The following SHISA9 variants were observed in gnomAD, a reference collection of about 807,000 sequenced individuals.
The protein encoded by SHISA9 is protein shisa-9.
SHISA9 carries 13 observed loss-of-function variants against 38.0 expected under a neutral mutation model. The observed-to-expected ratio is 0.34, with a 90% confidence interval of 0.22 to 0.54. The LOEUF (loss-of-function observed/expected upper bound fraction) is 0.54, where lower values mean the gene tolerates loss of function less well. Among genes scored for constraint, SHISA9 ranks in the 20% least tolerant of loss-of-function variants. The pLI, the probability that SHISA9 is intolerant of heterozygous loss-of-function variation, is 0.91. For missense variants in SHISA9, 538 were observed against 575.8 expected (o/e 0.93, Z 0.67); for synonymous variants, 275 against 242.0 (o/e 1.14, Z -1.27).
the SHISA9 span, among the ~76,000 whole-genome samples, chr16:13,324,990 G>T: frequency 6.6e-6 from 1 of 152,190 alleles, no homozygotes; most frequent in Non-Finnish European, 1.5e-5. Flanking sequence ...TCAGCATAAA[G>T]AAATGCTTGA....
At chr16:13,058,812 C>T (rs972191714) in intron 2 of SHISA9, among the ~76,000 whole-genome samples, 1 of 150,366 alleles carries the variant, frequency 6.7e-6, no homozygotes, top group Non-Finnish European at 1.5e-5. Flanking sequence ...GAGATGTCTC[C>T]CATAGCTAGG....
the SHISA9 span, among the ~76,000 whole-genome samples, chr16:13,323,718 G>T: frequency 6.0e-3 from 911 of 152,254 alleles, 7 homozygotes; most frequent in African/African-American, 0.018. Context: ...TCGAGCAAAG[G>T]GGGGAAGAGC....
chr16:12,975,393 A>G (rs1268661399), intron 2 of SHISA9, among the ~76,000 whole-genome samples: 2 of 152,078 alleles, frequency 1.3e-5, no homozygotes, highest in Middle Eastern at 3.4e-3. Context: ...AATCCCAGCT[A>G]CTCAGGAGGC....
the SHISA9 span, among the ~76,000 whole-genome samples, chr16:13,375,627 A>C: frequency 6.6e-6 from 1 of 152,226 alleles, no homozygotes. Flanking sequence ...AGAAAAAAGA[A>C]AACATCCAAA....
chr16:12,961,823 C>G (rs1217818035), intron 2 of SHISA9, among the ~76,000 whole-genome samples: 1 of 152,210 alleles, frequency 6.6e-6, no homozygotes, highest in African/African-American at 2.4e-5. Flanking sequence ...CAGGTTTCAG[C>G]TGAGCCCTGC....
intron 1 of SHISA9, among the ~76,000 whole-genome samples, chr16:12,911,913 CT>C (rs2071189026): frequency 1.3e-5 from 2 of 152,202 alleles, no homozygotes; most frequent in South Asian, 4.1e-4. Flanking sequence ...TTTGCCATTA[CT>C]TTCAATGTCA....
the SHISA9 span, among the ~76,000 whole-genome samples, chr16:13,277,984 G>T: frequency 2.6e-5 from 4 of 152,050 alleles, no homozygotes; most frequent in East Asian, 7.7e-4. Context: ...GGGCCTCCTT[G>T]TCTTGTTCCC....
At chr16:13,202,673 T>G (rs1466076929) in intron 2 of SHISA9, among the ~76,000 whole-genome samples, 3 of 152,214 alleles carry the variant, frequency 2.0e-5, no homozygotes, top group Non-Finnish European at 1.5e-5. Flanking sequence ...ACATACTATG[T>G]ACATCATATG....
chr16:13,182,475 G>T (rs1257217746), intron 2 of SHISA9, among the ~76,000 whole-genome samples: 2 of 152,136 alleles, frequency 1.3e-5, no homozygotes, highest in African/African-American at 4.8e-5. Context: ...TGACCGGTTA[G>T]GTTTATAACA....
At chr16:12,977,470 A>T (rs1021941734) in intron 2 of SHISA9, among the ~76,000 whole-genome samples, 2 of 152,222 alleles carry the variant, frequency 1.3e-5, no homozygotes, top group African/African-American at 4.8e-5. Flanking sequence ...TACTGGGTAT[A>T]TACCCAAAGG....
At chr16:13,282,864 G>T in the SHISA9 span, among the ~76,000 whole-genome samples, 778 of 152,108 alleles carry the variant, frequency 5.1e-3, 8 homozygotes, top group African/African-American at 0.018. Flanking sequence ...TTTAACTGCT[G>T]AGATTTCCTG....
At chr16:13,196,054 C>G (rs1167737051) in intron 2 of SHISA9, among the ~76,000 whole-genome samples, 1 of 132,404 alleles carries the variant, frequency 7.6e-6, no homozygotes, top group Non-Finnish European at 1.6e-5. Context: ...CACCACTGCA[C>G]TCCAGCCTGG....
At chr16:13,025,670 C>T (rs901985852) in intron 2 of SHISA9, among the ~76,000 whole-genome samples, 25 of 152,334 alleles carry the variant, frequency 1.6e-4, no homozygotes, top group African/African-American at 6.0e-4. Flanking sequence ...TGAGTGCCTC[C>T]TTGGCAATCT....
the SHISA9 span, among the ~76,000 whole-genome samples, chr16:13,264,575 A>G: frequency 6.6e-6 from 1 of 152,124 alleles, no homozygotes; most frequent in African/African-American, 2.4e-5. Context: ...TTGCGCTTCA[A>G]AGGTTAACTT....
chr16:13,085,546 C>A (rs2073701006), intron 2 of SHISA9, among the ~76,000 whole-genome samples: 1 of 152,150 alleles, frequency 6.6e-6, no homozygotes, highest in Non-Finnish European at 1.5e-5. Context: ...GTTGACATAT[C>A]CAAAGAAGCT....
intron 2 of SHISA9, among the ~76,000 whole-genome samples, chr16:13,131,295 G>A (rs903872591): frequency 1.3e-5 from 2 of 152,174 alleles, no homozygotes; most frequent in Non-Finnish European, 2.9e-5. Context: ...AGAAAGGAAC[G>A]AGATCGTGTC....
chr16:13,364,175 G>A, the SHISA9 span, among the ~76,000 whole-genome samples: 7 of 152,240 alleles, frequency 4.6e-5, no homozygotes, highest in Admixed American at 2.0e-4. Context: ...TGAACTGACA[G>A]ATTTACTCTG....
intron 4 of SHISA9, among the ~76,000 whole-genome samples, chr16:13,226,988 G>T (rs1402910179): frequency 2.6e-5 from 4 of 152,162 alleles, no homozygotes; most frequent in Admixed American, 2.6e-4. Context: ...AAGTATTTTG[G>T]TCATTCTTGG....
chr16:13,458,991 C>A, the SHISA9 span, among the ~76,000 whole-genome samples: 1 of 151,782 alleles, frequency 6.6e-6, no homozygotes, highest in Admixed American at 6.6e-5. Context: ...CCTCGGCCTC[C>A]CAAGGCATGC....
Sources: gnomAD v4.1 joint callset for allele counts (sites outside exome capture counted in the v4.1 genomes callset) on GRCh38, gnomAD v4.1.1 for gene constraint, MANE v1.5 for transcripts, NCBI Gene and HGNC (gene_info 2026-07-23, HGNC 2026-07-21) for gene names.